EBF1: variants seen among roughly 807,000 people sequenced by gnomAD.
The protein encoded by EBF1 is EBF transcription factor 1, also known as transcription factor COE1.
In EBF1, 10 loss-of-function variants were observed where a neutral mutation model predicts 68.4. The ratio of observed to expected loss-of-function variants is 0.15; its 90% CI spans 0.09 to 0.25. EBF1 has a LOEUF of 0.25. EBF1 is among the 10% of genes least tolerant of loss of function. EBF1 has a pLI of 1.00. For synonymous variants in EBF1, 298 were observed against 299.8 expected, an observed-to-expected ratio of 0.99 and a Z score of 0.06; for missense variants, 509 against 794.4, an observed-to-expected ratio of 0.64 and a Z score of 4.32.
chr5:158,706,883 G>A (rs1443410113), intron 15 of EBF1, among the ~76,000 whole-genome samples: 1 of 152,198 alleles, frequency 6.6e-6, no homozygotes, highest in Non-Finnish European at 1.5e-5. Context: ...GGATTAAATG[G>A]TATAAAATCT....
intron 6 of EBF1, among the ~76,000 whole-genome samples, chr5:159,042,867 A>AAT (rs1771509713): frequency 6.6e-6 from 1 of 151,828 alleles, no homozygotes; most frequent in Admixed American, 6.6e-5. Context: ...CAGTAAAAAA[A>AAT]AAAAAATAAA....
intron 6 of EBF1, among the ~76,000 whole-genome samples, chr5:158,877,248 T>C (rs1423987774): frequency 6.6e-6 from 1 of 152,174 alleles, no homozygotes; most frequent in African/African-American, 2.4e-5. Flanking sequence ...TCTTTTTGTA[T>C]CCTCTAGGGA....
At chr5:159,078,970 A>G (rs1351248874) in intron 5 of EBF1, among the ~76,000 whole-genome samples, 2 of 152,220 alleles carry the variant, frequency 1.3e-5, no homozygotes, top group Non-Finnish European at 2.9e-5. Flanking sequence ...TCCTATGAAT[A>G]GTGTCTTTCT....
At chr5:159,075,478 C>T (rs1254193041) in intron 5 of EBF1, among the ~76,000 whole-genome samples, 1 of 152,180 alleles carries the variant, frequency 6.6e-6, no homozygotes, top group African/African-American at 2.4e-5. Context: ...GCAAGCTGCC[C>T]ACAGACCTGC....
intron 6 of EBF1, among the ~76,000 whole-genome samples, chr5:159,065,662 C>T (rs62385437): frequency 2.0e-5 from 3 of 151,662 alleles, no homozygotes; most frequent in Non-Finnish European, 4.4e-5. Flanking sequence ...AAAAAAAACC[C>T]ACCACAACCT....
At chr5:158,860,990 C>G (rs1355454820) in intron 6 of EBF1, among the ~76,000 whole-genome samples, 2 of 152,246 alleles carry the variant, frequency 1.3e-5, no homozygotes, top group South Asian at 2.1e-4. Flanking sequence ...TTAGCTTTAG[C>G]CTCCCTAAAT....
At chr5:159,097,266 C>T (rs1782805530) in intron 1 of EBF1, 136 bp from the exon 2 acceptor site, 2 of 1,008,204 alleles carry the variant, frequency 2.0e-6, no homozygotes, top group East Asian at 2.6e-5. Flanking sequence ...TCTTCACGCC[C>T]CTTCAGGCGA....
chr5:158,727,861 C>G (rs1763310080), intron 11 of EBF1, among the ~76,000 whole-genome samples: 1 of 152,188 alleles, frequency 6.6e-6, no homozygotes, highest in Admixed American at 6.5e-5. Context: ...TATACAAAGG[C>G]ATATTATTAT....
Position 159,001,241 on chromosome 5 carries a change from T to C in EBF1, c.554+72155A>G, listed in dbSNP as rs187111278. The stretch of plus-strand genomic sequence containing the variant: ...TTAACATGTGATGGGGTTGCTATTG[T>C]TATTTTTAAATGAGTAAGAAAGAAA... On this transcript the variant is annotated intron_variant, in intron 6 of 15. Coordinates refer to ENST00000313708, the MANE Select transcript of EBF1 (RefSeq NM_024007.5). Among the ~76,000 whole-genome samples the C allele has an allele frequency of 4.0e-3, 603 of 152,346 alleles. 3 individuals are homozygous for C. Among genetic ancestry groups the C allele is most frequent in the African/African-American group, 0.013 (535 of 41,578 alleles).
intron 6 of EBF1, among the ~76,000 whole-genome samples, chr5:159,024,349 C>T (rs1322546467): frequency 6.6e-6 from 1 of 152,220 alleles, no homozygotes; most frequent in Non-Finnish European, 1.5e-5. Context: ...TTAGTCAACA[C>T]ATCTACCAGA....
At chr5:158,940,207 G>C (rs1285232871) in intron 6 of EBF1, among the ~76,000 whole-genome samples, 2 of 152,216 alleles carry the variant, frequency 1.3e-5, no homozygotes, top group Non-Finnish European at 2.9e-5. Context: ...GATGGATCCT[G>C]CAAACTGCTT....
At chr5:159,024,136 C>T in intron 6 of EBF1, among the ~76,000 whole-genome samples, 1 of 152,100 alleles carries the variant, frequency 6.6e-6, no homozygotes, top group African/African-American at 2.4e-5. Flanking sequence ...ATGCTGAGAT[C>T]CTGGAACTCT....
At chr5:159,074,060 A>G (rs1210932480) in intron 5 of EBF1, among the ~76,000 whole-genome samples, 3 of 152,222 alleles carry the variant, frequency 2.0e-5, no homozygotes, top group Admixed American at 1.3e-4. Flanking sequence ...AGGAAGGGGC[A>G]AGATAAAAGA....
At chr5:159,029,216 T>C (rs189687822) in intron 6 of EBF1, among the ~76,000 whole-genome samples, 1 of 152,316 alleles carries the variant, frequency 6.6e-6, no homozygotes, top group Admixed American at 6.5e-5. Context: ...CCAATTTGAA[T>C]CTATTAAGTT....
At chr5:158,925,533 CTCT>C (rs1466733342) in intron 6 of EBF1, among the ~76,000 whole-genome samples, 2 of 152,196 alleles carry the variant, frequency 1.3e-5, no homozygotes, top group Admixed American at 1.3e-4. Flanking sequence ...AAAGGGCTCC[CTCT>C]TCTTCTCTCC....
At chr5:158,830,020 G>A (rs1787160203) in intron 7 of EBF1, among the ~76,000 whole-genome samples, 1 of 152,186 alleles carries the variant, frequency 6.6e-6, no homozygotes, top group Admixed American at 6.5e-5. Flanking sequence ...AAGAGAACGT[G>A]ATTCTTAATA....
intron 6 of EBF1, among the ~76,000 whole-genome samples, chr5:158,954,285 G>C (rs770457593): frequency 2.6e-5 from 4 of 152,184 alleles, no homozygotes; most frequent in Non-Finnish European, 5.9e-5. Flanking sequence ...TGACAGTATG[G>C]CAGTAGGCCG....
chr5:159,013,169 C>T (rs1054504930), intron 6 of EBF1, among the ~76,000 whole-genome samples: 1 of 152,190 alleles, frequency 6.6e-6, no homozygotes, highest in African/African-American at 2.4e-5. Flanking sequence ...TTTTGAGCAG[C>T]CCTTCTAAGT....
At chr5:158,853,350 A>G (rs150946813) in intron 6 of EBF1, among the ~76,000 whole-genome samples, 1 of 152,250 alleles carries the variant, frequency 6.6e-6, no homozygotes, top group Non-Finnish European at 1.5e-5. Context: ...AGTCAAGCCA[A>G]TCAGGCTCTA....
Sources: allele counts gnomAD v4.1 joint callset (sites outside exome capture counted in the v4.1 genomes callset), GRCh38; gene constraint gnomAD v4.1.1; transcripts MANE v1.5; gene names NCBI Gene and HGNC (gene_info 2026-07-23, HGNC 2026-07-21).